The following SRRM4 variants were observed in gnomAD, a reference collection of about 807,000 sequenced individuals.
SRRM4 encodes the protein serine/arginine repetitive matrix protein 4.
SRRM4 carries 33 observed loss-of-function variants against 68.9 expected under a neutral mutation model. That is an observed-to-expected ratio of 0.48 (90% CI 0.36 to 0.64). SRRM4 has a LOEUF of 0.64. Among genes scored for constraint, SRRM4 ranks in the 30% least tolerant of loss-of-function variants. The pLI, the probability that SRRM4 is intolerant of heterozygous loss-of-function variation, is 0.00. For synonymous variants in SRRM4, 318 were observed against 318.8 expected (o/e 1.00, Z 0.03); for missense variants, 817 against 827.1 (o/e 0.99, Z 0.15).
Position 118,981,892 on chromosome 12 carries a change from G to A in SRRM4, c.10G>A (p.Val4Ile), listed in dbSNP as rs537292029. 1.0e-4 allele frequency: 167 copies of A among 1,613,542 alleles called. No homozygotes were observed. In the East Asian group the frequency reaches 2.8e-3, roughly 27 times the overall value. Residue 4 changes from valine (V) to isoleucine (I), a missense_variant, in exon 1 of 13, where the codon GTT becomes ATT. Transcript: ENST00000267260. ...CCCCTTTGGGTTGGCGATGGCGAGC[G>A]TTCAGCAAGGCGAGAAGCAGCTTTT... MAS[V>I]QQGEKQLFEK...
chr12:119,119,048 A>C (rs1377527745), intron 4 of SRRM4, among the ~76,000 whole-genome samples: 3 of 108,182 alleles, frequency 2.8e-5, no homozygotes, highest in Non-Finnish European at 3.6e-5. Flanking sequence ...GAAAGCACTG[A>C]GATTTTTTTT....
At chr12:119,007,453 T>C (rs2076490601) in intron 1 of SRRM4, among the ~76,000 whole-genome samples, 1 of 152,218 alleles carries the variant, frequency 6.6e-6, no homozygotes, top group South Asian at 2.1e-4. Flanking sequence ...CAATATGAGA[T>C]AATGTTGGAC....
intron 1 of SRRM4, among the ~76,000 whole-genome samples, chr12:119,018,162 G>A (rs1298185118): frequency 2.0e-5 from 3 of 152,194 alleles, no homozygotes; most frequent in African/African-American, 4.8e-5. Context: ...AACTCCCAAG[G>A]AGACAGGAGT....
Position 119,154,125 on chromosome 12 carries a change from C to A in SRRM4, c.1392-118C>A. 2 of 950,490 alleles carry A rather than the reference C, an allele frequency of 2.1e-6. No individual in the cohort carries two copies. Among genetic ancestry groups the A allele is most frequent in the Non-Finnish European group, 3.2e-6 (2 of 626,142 alleles). The allele number at this position is 950,490 out of a possible 1,614,324, so 58.9% of individuals were successfully genotyped here. ...CTCCGGTCTCCCTTGCGGCAACGTG[C>A]AGACCCCATCCCGTGACCCAGTGGG... On this transcript the variant is annotated intron_variant, in intron 11 of 12. Transcript: ENST00000267260. The surrounding 1 kb of genome is among the most constrained non-coding windows in gnomAD (Gnocchi z 4.7).
rs540537960 is a variant in SRRM4 at position 119,056,099 on chromosome 12, G to A, written c.132-46137G>A. Among the ~76,000 whole-genome samples, 9 of 152,208 alleles carry A rather than the reference G, an allele frequency of 5.9e-5. No homozygotes were observed. The South Asian group carries it at 1.7e-3, about 28-fold the overall frequency. On this transcript the variant is annotated intron_variant, in intron 1 of 12. Transcript: ENST00000267260. ...TGTCTTGAAATAACTCTGCTCTTCC[G>A]GCCAGCCCCCCTCTCAGCCTCCCTC...
chr12:119,112,526 A>G (rs1276406358), intron 2 of SRRM4, among the ~76,000 whole-genome samples: 1 of 152,240 alleles, frequency 6.6e-6, no homozygotes, highest in Non-Finnish European at 1.5e-5. Flanking sequence ...ACTATTCACA[A>G]TAGCAAAGAC....
intron 1 of SRRM4, among the ~76,000 whole-genome samples, chr12:119,005,783 C>G (rs1260884657): frequency 6.6e-6 from 1 of 152,184 alleles, no homozygotes; most frequent in East Asian, 1.9e-4. Flanking sequence ...GTTACTATCA[C>G]TAATGTCATC....
At chr12:119,111,129 T>C (rs907348889) in intron 2 of SRRM4, among the ~76,000 whole-genome samples, 2 of 152,230 alleles carry the variant, frequency 1.3e-5, no homozygotes, top group African/African-American at 4.8e-5. Flanking sequence ...ACTCAACTGA[T>C]ACTTATTGAA....
At chr12:119,104,079 A>G (rs148766677) in intron 2 of SRRM4, among the ~76,000 whole-genome samples, 37 of 152,292 alleles carry the variant, frequency 2.4e-4, no homozygotes, top group African/African-American at 7.7e-4. Context: ...TTACGAACTG[A>G]GCAACCTTGG....
intron 1 of SRRM4, among the ~76,000 whole-genome samples, chr12:119,092,501 C>T (rs1343546905): frequency 1.3e-5 from 2 of 152,106 alleles, no homozygotes; most frequent in African/African-American, 2.4e-5. Context: ...CAAGAGCCTC[C>T]CAGTTGCTCA....
chr12:119,061,965 T>A (rs1452080369), intron 1 of SRRM4, among the ~76,000 whole-genome samples: 1 of 152,166 alleles, frequency 6.6e-6, no homozygotes, highest in African/African-American at 2.4e-5. Flanking sequence ...GCGTCACTTA[T>A]AAATGGGAAT....
At chr12:118,983,272 G>A (rs944351338) in intron 1 of SRRM4, among the ~76,000 whole-genome samples, 3 of 152,170 alleles carry the variant, frequency 2.0e-5, no homozygotes, top group Non-Finnish European at 4.4e-5. Flanking sequence ...AGAGAAATAG[G>A]TGTCCCATTT....
intron 2 of SRRM4, among the ~76,000 whole-genome samples, chr12:119,113,904 C>T (rs1202467783): frequency 6.6e-6 from 1 of 152,048 alleles, no homozygotes; most frequent in Non-Finnish European, 1.5e-5. Context: ...GCAGGAACTA[C>T]GGACACGATA....
intron 8 of SRRM4, among the ~76,000 whole-genome samples, chr12:119,136,965 T>G (rs936182026): frequency 3.1e-4 from 47 of 152,274 alleles, no homozygotes; most frequent in African/African-American, 1.1e-3. Context: ...TCCCTTCTCT[T>G]TCTCCATCTC....
intron 1 of SRRM4, among the ~76,000 whole-genome samples, chr12:119,064,036 G>A (rs1476728750): frequency 1.3e-5 from 2 of 152,154 alleles, no homozygotes; most frequent in Non-Finnish European, 2.9e-5. Context: ...CCCACATCTG[G>A]TTGATCTTAT....
intron 9 of SRRM4, among the ~76,000 whole-genome samples, chr12:119,148,566 C>T (rs1954418640): frequency 6.6e-6 from 1 of 152,216 alleles, no homozygotes; most frequent in Admixed American, 6.5e-5. Context: ...AAATAATCTT[C>T]CCGAGCTCCT....
At chr12:119,026,399 A>G (rs984218191) in intron 1 of SRRM4, among the ~76,000 whole-genome samples, 5 of 151,958 alleles carry the variant, frequency 3.3e-5, no homozygotes, top group African/African-American at 1.2e-4. Context: ...GAGCGGTAAG[A>G]AAAAGGACTC....
chr12:118,991,507 T>A (rs1016249756), intron 1 of SRRM4, among the ~76,000 whole-genome samples: 1 of 152,208 alleles, frequency 6.6e-6, no homozygotes, highest in African/African-American at 2.4e-5. Context: ...AGCATACCTC[T>A]CCTAACGGTT....
At chr12:119,086,456 A>G (rs1953980361) in intron 1 of SRRM4, among the ~76,000 whole-genome samples, 1 of 152,206 alleles carries the variant, frequency 6.6e-6, no homozygotes, top group Non-Finnish European at 1.5e-5. Context: ...CCAGCCAAAT[A>G]GGTAACTGGT....
Sources: allele counts gnomAD v4.1 joint callset (sites outside exome capture counted in the v4.1 genomes callset), GRCh38; gene constraint gnomAD v4.1.1; non-coding constraint Gnocchi (gnomAD v3.1); transcripts MANE v1.5; gene names NCBI Gene and HGNC (gene_info 2026-07-23, HGNC 2026-07-21).